The following LRRC37A2 variants were observed in gnomAD, a reference collection of about 807,000 sequenced individuals.
The protein encoded by LRRC37A2 is leucine rich repeat containing 37 member A2.
A neutral mutation model predicts 68.8 loss-of-function variants in LRRC37A2; 9 were observed. The observed-to-expected ratio is 0.13, with a 90% confidence interval of 0.08 to 0.23. LRRC37A2 has a LOEUF of 0.23. LRRC37A2 is among the 10% of genes least tolerant of loss of function. The probability of loss-of-function intolerance (pLI) is 1.00; values close to 1 mark genes in which losing one functional copy is unlikely to be tolerated. For synonymous variants in LRRC37A2, 63 were observed against 367.6 expected, an observed-to-expected ratio of 0.17 and a Z score of 9.48; for missense variants, 168 against 950.4, an observed-to-expected ratio of 0.18 and a Z score of 10.82.
chr17:47,043,501 G>GA, the LRRC37A2 span, among the ~76,000 whole-genome samples: 64,692 of 144,816 alleles, frequency 0.45, 14,209 homozygotes, highest in Non-Finnish European at 0.51. Context: ...TCCATCTCAG[G>GA]AAAAAAAAAA....
chr17:46,967,908 C>T, the LRRC37A2 span, among the ~76,000 whole-genome samples: 12 of 152,192 alleles, frequency 7.9e-5, no homozygotes, highest in Admixed American at 7.9e-4. Flanking sequence ...GGGAGGTGGC[C>T]AAGAGGGAGA....
At chr17:46,916,256 A>C in the LRRC37A2 span, among the ~76,000 whole-genome samples, 1 of 152,208 alleles carries the variant, frequency 6.6e-6, no homozygotes, top group African/African-American at 2.4e-5. Context: ...TAGTGATCTC[A>C]TGAGATACTG....
At chr17:46,694,404 A>G in the LRRC37A2 span, 9 of 1,117,852 alleles carry the variant, frequency 8.1e-6, 1 homozygote, top group South Asian at 1.1e-4. Context: ...TAGTAATAAT[A>G]ATAATGATAA....
chr17:47,037,602 T>C, the LRRC37A2 span, among the ~76,000 whole-genome samples: 1 of 152,210 alleles, frequency 6.6e-6, no homozygotes, highest in Non-Finnish European at 1.5e-5. Flanking sequence ...GTGATGTCTT[T>C]AGTTTGGATA....
chr17:46,773,001 A>T, the LRRC37A2 span, among the ~76,000 whole-genome samples: 1 of 152,124 alleles, frequency 6.6e-6, no homozygotes, highest in Non-Finnish European at 1.5e-5. Context: ...TGAGCCCCCA[A>T]GTCCCCTTCT....
At chr17:46,998,509 A>C in the LRRC37A2 span, among the ~76,000 whole-genome samples, 3 of 152,200 alleles carry the variant, frequency 2.0e-5, no homozygotes, top group African/African-American at 7.2e-5. Flanking sequence ...TGGGCAGAAG[A>C]GTGCTTGATG....
At chr17:46,978,590 G>C in the LRRC37A2 span, 9 of 1,529,154 alleles carry the variant, frequency 5.9e-6, no homozygotes, top group Non-Finnish European at 7.9e-6. Flanking sequence ...GCGAGGGTCC[G>C]GGTCTCCGGG....
At chr17:46,962,924 TG>T in the LRRC37A2 span, among the ~76,000 whole-genome samples, 1 of 152,262 alleles carries the variant, frequency 6.6e-6, no homozygotes, top group Non-Finnish European at 1.5e-5. Flanking sequence ...TCATCAATGA[TG>T]TGATTTAATC....
the LRRC37A2 span, among the ~76,000 whole-genome samples, chr17:46,494,553 AT>A: frequency 6.6e-6 from 1 of 150,650 alleles, no homozygotes; most frequent in African/African-American, 2.5e-5. Context: ...CAAATTATCA[AT>A]TATATTGTTT....
chr17:46,932,498 C>A, the LRRC37A2 span: 1 of 591,572 alleles, frequency 1.7e-6, no homozygotes. Context: ...ATGGTGGAAA[C>A]GTTTTTCTGA....
the LRRC37A2 span, chr17:46,978,237 C>T: frequency 4.6e-6 from 1 of 218,612 alleles, no homozygotes; most frequent in South Asian, 1.1e-4. Context: ...ACAAGCTCAG[C>T]GACTCTGACG....
chr17:46,558,795 TC>T (rs2057437001), downstream of LRRC37A2: 4 of 128,612 alleles, frequency 3.1e-5, no homozygotes, highest in South Asian at 9.5e-4. Flanking sequence ...TAACTCACAC[TC>T]CCCTATATCA....
At chr17:46,754,064 TC>T in the LRRC37A2 span, among the ~76,000 whole-genome samples, 2 of 151,980 alleles carry the variant, frequency 1.3e-5, no homozygotes, top group Non-Finnish European at 2.9e-5. Context: ...TACAGGCAAG[TC>T]AGTAAGTTGT....
the LRRC37A2 span, chr17:46,929,811 A>G: frequency 7.6e-6 from 4 of 523,866 alleles, no homozygotes; most frequent in Non-Finnish European, 1.4e-5. Flanking sequence ...TCAACCTGAC[A>G]TGGCCCTATG....
At chr17:46,988,369 C>T in the LRRC37A2 span, among the ~76,000 whole-genome samples, 13 of 152,212 alleles carry the variant, frequency 8.5e-5, no homozygotes, top group South Asian at 2.7e-3. Flanking sequence ...TACAAGGTTT[C>T]CTTTTGGAGT....
chr17:46,807,223 C>T, the LRRC37A2 span, among the ~76,000 whole-genome samples: 1 of 152,266 alleles, frequency 6.6e-6, no homozygotes, highest in Non-Finnish European at 1.5e-5. Context: ...TGGCTTACGC[C>T]TGTCATCTCA....
the LRRC37A2 span, among the ~76,000 whole-genome samples, chr17:47,009,132 CA>C: frequency 1.0e-3 from 136 of 133,674 alleles, no homozygotes; most frequent in East Asian, 1.1e-3. Flanking sequence ...TATTCCATCT[CA>C]AAAAAAAAAA....
At chr17:46,959,151 G>A in the LRRC37A2 span, among the ~76,000 whole-genome samples, 3 of 152,174 alleles carry the variant, frequency 2.0e-5, no homozygotes, top group African/African-American at 7.2e-5. Context: ...ATGAGATGGT[G>A]GGAAGTAGGA....
At chr17:47,012,854 A>G in the LRRC37A2 span, among the ~76,000 whole-genome samples, 1 of 152,272 alleles carries the variant, frequency 6.6e-6, no homozygotes, top group African/African-American at 2.4e-5. Flanking sequence ...CCCATGACCC[A>G]GCAACTCTAC....
Sources: allele counts gnomAD v4.1 joint callset (sites outside exome capture counted in the v4.1 genomes callset), GRCh38; gene constraint gnomAD v4.1.1; transcripts MANE v1.5; gene names NCBI Gene and HGNC (gene_info 2026-07-23, HGNC 2026-07-21).